The following LRRC28 variants were observed in gnomAD, a reference collection of about 807,000 sequenced individuals.
LRRC28 encodes leucine rich repeat containing 28, also known as leucine-rich repeat-containing protein 28.
Under a neutral mutation model 45.7 loss-of-function variants are expected in LRRC28, and 39 were observed. That is an observed-to-expected ratio of 0.85 (90% CI 0.66 to 1.12). The LOEUF (loss-of-function observed/expected upper bound fraction) is 1.12, where lower values mean the gene tolerates loss of function less well. Among genes scored for constraint, LRRC28 ranks in the 50% most tolerant of loss-of-function variants. LRRC28 has a pLI of 0.00. For synonymous variants in LRRC28, 206 were observed against 178.8 expected (o/e 1.15, Z -1.22); for missense variants, 435 against 438.5 (o/e 0.99, Z 0.07).
chr15:99,285,819 G>A (rs1445891521), intron 3 of LRRC28: 1 of 434,412 alleles, frequency 2.3e-6, no homozygotes. Context: ...TTTTTAATCA[G>A]TTCTCTATTT....
intron 6 of LRRC28, among the ~76,000 whole-genome samples, chr15:99,351,781 A>G (rs1956887824): frequency 6.6e-6 from 1 of 152,228 alleles, no homozygotes; most frequent in Non-Finnish European, 1.5e-5. Flanking sequence ...ATTTGAGACC[A>G]TCAGCCTAGG....
At chr15:99,301,718 T>C (rs1422398339) in intron 5 of LRRC28, among the ~76,000 whole-genome samples, 1 of 152,196 alleles carries the variant, frequency 6.6e-6, no homozygotes, top group Non-Finnish European at 1.5e-5. Flanking sequence ...GAAAATTTGC[T>C]TCTGCTGCTA....
chr15:99,306,152 T>C (rs996114454), intron 5 of LRRC28, among the ~76,000 whole-genome samples: 1 of 152,250 alleles, frequency 6.6e-6, no homozygotes, highest in Non-Finnish European at 1.5e-5. Context: ...TTAGGGAGAC[T>C]TGCAGGCTAA....
chr15:99,293,264 C>G (rs2082172149), intron 5 of LRRC28, among the ~76,000 whole-genome samples: 1 of 152,054 alleles, frequency 6.6e-6, no homozygotes, highest in African/African-American at 2.4e-5. Flanking sequence ...GCTGTAAACT[C>G]CATTAGATAA....
At chr15:99,368,349 C>G (rs1957395674) in intron 9 of LRRC28, among the ~76,000 whole-genome samples, 2 of 152,100 alleles carry the variant, frequency 1.3e-5, no homozygotes, top group African/African-American at 2.4e-5. Context: ...CATTCCTATT[C>G]CACAAGTGAG....
At chr15:99,348,359 A>G (rs763662554) in intron 6 of LRRC28, among the ~76,000 whole-genome samples, 20 of 152,262 alleles carry the variant, frequency 1.3e-4, no homozygotes, top group Middle Eastern at 6.8e-3. Flanking sequence ...TCCAATGTCA[A>G]GGAGCTTTTC....
chr15:99,347,479 T>C (rs1956729707), intron 6 of LRRC28, among the ~76,000 whole-genome samples: 1 of 152,252 alleles, frequency 6.6e-6, no homozygotes, highest in Admixed American at 6.5e-5. Context: ...AGTGCTGGGA[T>C]TACAGGCATG....
chr15:99,285,510 A>G, intron 3 of LRRC28: 3 of 1,085,636 alleles, frequency 2.8e-6, no homozygotes, highest in Non-Finnish European at 2.8e-6. Context: ...CGGTTGTTTC[A>G]AAGCTCAGGC....
intron 5 of LRRC28, among the ~76,000 whole-genome samples, chr15:99,288,715 T>C (rs1356950792): frequency 6.6e-6 from 1 of 151,818 alleles, no homozygotes; most frequent in Non-Finnish European, 1.5e-5. Flanking sequence ...AGTCTCACTC[T>C]GTTGCCCAGG....
chr15:99,348,923 C>T (rs1956782541), intron 6 of LRRC28, among the ~76,000 whole-genome samples: 1 of 151,948 alleles, frequency 6.6e-6, no homozygotes, highest in Non-Finnish European at 1.5e-5. Context: ...GGATATCTTT[C>T]CACTTATTTG....
intron 9 of LRRC28, among the ~76,000 whole-genome samples, chr15:99,382,123 C>G (rs563625896): frequency 2.0e-5 from 3 of 152,344 alleles, no homozygotes; most frequent in Non-Finnish European, 2.9e-5. Context: ...TGCCCTGCCC[C>G]GAGAGGTGGA....
chr15:99,278,027 G>C (rs773986738), intron 3 of LRRC28, among the ~76,000 whole-genome samples: 1 of 151,886 alleles, frequency 6.6e-6, no homozygotes, highest in Non-Finnish European at 1.5e-5. Flanking sequence ...TTATATCCTG[G>C]TATCTTGCTG....
At chr15:99,285,390 T>G (rs1171490407) in intron 3 of LRRC28, 6 of 744,526 alleles carry the variant, frequency 8.1e-6, no homozygotes, top group South Asian at 2.7e-5. Flanking sequence ...TCCTCCGCAG[T>G]GGTATAGTGA....
chr15:99,372,256 T>C (rs994588484), intron 9 of LRRC28, among the ~76,000 whole-genome samples: 4 of 152,242 alleles, frequency 2.6e-5, no homozygotes, highest in Non-Finnish European at 5.9e-5. Context: ...TTTTAAGGAA[T>C]AGTGGTATTT....
chr15:99,290,988 T>C (rs2082108049), intron 5 of LRRC28, among the ~76,000 whole-genome samples: 1 of 152,008 alleles, frequency 6.6e-6, no homozygotes, highest in Non-Finnish European at 1.5e-5. Flanking sequence ...CAAAAAACAA[T>C]TCTGTGATAA....
At chr15:99,331,179 T>C (rs1199055343) in intron 5 of LRRC28, among the ~76,000 whole-genome samples, 1 of 152,252 alleles carries the variant, frequency 6.6e-6, no homozygotes, top group African/African-American at 2.4e-5. Context: ...TAATTATTTT[T>C]GAAATATGTT....
chr15:99,348,343 G>A (rs1956761954), intron 6 of LRRC28, among the ~76,000 whole-genome samples: 1 of 151,968 alleles, frequency 6.6e-6, no homozygotes, highest in Admixed American at 6.6e-5. Flanking sequence ...AAAAATCATT[G>A]CCAAGTCCAA....
chr15:99,259,939 A>T, intron 2 of LRRC28: 1 of 677,268 alleles, frequency 1.5e-6, no homozygotes. Flanking sequence ...AGCAAGACAA[A>T]GACAAAGAAA....
intron 2 of LRRC28, among the ~76,000 whole-genome samples, chr15:99,271,949 A>T (rs1459117549): frequency 6.6e-6 from 1 of 152,074 alleles, no homozygotes; most frequent in Non-Finnish European, 1.5e-5. Context: ...AATAGCTATG[A>T]ATTCATTGCC....
Sources: gnomAD v4.1 joint callset for allele counts (sites outside exome capture counted in the v4.1 genomes callset) on GRCh38, gnomAD v4.1.1 for gene constraint, MANE v1.5 for transcripts, NCBI Gene and HGNC (gene_info 2026-07-23, HGNC 2026-07-21) for gene names.